The following CEP55 variants were observed in gnomAD, a reference collection of about 807,000 sequenced individuals.
CEP55 encodes the protein centrosomal protein of 55 kDa.
Under a neutral mutation model 63.2 loss-of-function variants are expected in CEP55, and 57 were observed. The observed-to-expected ratio is 0.90, with a 90% confidence interval of 0.73 to 1.13. The LOEUF (loss-of-function observed/expected upper bound fraction) is 1.13. CEP55 is among the 50% of genes most tolerant of loss of function. The probability of loss-of-function intolerance (pLI) is 0.00; values close to 1 mark genes in which losing one functional copy is unlikely to be tolerated. For synonymous variants in CEP55, 178 were observed against 191.6 expected (o/e 0.93, Z 0.59); for missense variants, 456 against 518.9 (o/e 0.88, Z 1.18).
intron 8 of CEP55, among the ~76,000 whole-genome samples, chr10:93,522,058 A>G (rs887276573): frequency 6.6e-6 from 1 of 152,258 alleles, no homozygotes; most frequent in African/African-American, 2.4e-5. Flanking sequence ...AAAGGAACGC[A>G]GCTCCTCACC....
chr10:93,510,697 T>C (rs1180529904), intron 4 of CEP55: 9 of 152,214 alleles, frequency 5.9e-5, no homozygotes, highest in African/African-American at 2.2e-4. Flanking sequence ...GTGTATTTCT[T>C]AAGAACGAGG....
intron 4 of CEP55, among the ~76,000 whole-genome samples, chr10:93,508,369 C>A (rs1273354268): frequency 6.6e-6 from 1 of 152,110 alleles, no homozygotes; most frequent in Admixed American, 6.5e-5. Context: ...TTCTGTTTTA[C>A]TTCATCTATC....
rs1278780092 is a variant in CEP55, at chr10:93,527,969, C to T, written c.1211C>T (p.Ala404Val). ...TTTCAGAAACAGCTTCATGAGTTTG[C>T]CATCACAGAGCCATTAGTCACTTTC... ...LESLKQLHEF[A>V]ITEPLVTFQG... is the part of the protein sequence containing the mutation. Residue 404 changes from alanine (A) to valine (V), a missense_variant, in exon 9 of 9, where the codon GCC (alanine) becomes GTC (valine). Coordinates refer to ENST00000371485, the MANE Select transcript of CEP55 (RefSeq NM_018131.5). 1 of 1,613,458 alleles carries T rather than the reference C, an allele frequency of 6.2e-7. No individual in the cohort carries two copies. The highest frequency in any genetic ancestry group is 1.3e-5 in the African/African-American group (1 of 74,838).
At chr10:93,499,375 C>T (rs914827586) in intron 1 of CEP55, among the ~76,000 whole-genome samples, 1 of 152,088 alleles carries the variant, frequency 6.6e-6, no homozygotes, top group Non-Finnish European at 1.5e-5. Flanking sequence ...AAGATATGTC[C>T]TTGATTGTGA....
Position 93,528,362 on chromosome 10 carries a change from C to A in CEP55, c.*209C>A. On this transcript the variant is annotated 3_prime_UTR_variant, in exon 9 of 9. Transcript: ENST00000371485. ...CCTGACATGGTTCATCATCAGGCTGCAATGACAGAATGTGGTGAGCAGCGT... is the reference window on the plus strand; with the variant it reads ...CCTGACATGGTTCATCATCAGGCTGAAATGACAGAATGTGGTGAGCAGCGT... 1 of 576,786 alleles carries A rather than the reference C, an allele frequency of 1.7e-6. No homozygotes were observed. 35.7% of individuals were successfully genotyped at this position (576,786 alleles called of 1,614,324 possible). A position where few individuals can be genotyped will look rare whatever the true frequency, so the allele number is the denominator to read the frequency against.
At position 93,519,672 on chromosome 10, in the gene CEP55, C is replaced by A. The variant is rs1162713952; in HGVS notation, c.1066-10C>A. On this transcript the variant is annotated splice_polypyrimidine_tract_variant and intron_variant, in intron 7 of 8. Coordinates refer to ENST00000371485, the MANE Select transcript of CEP55 (RefSeq NM_018131.5). ...TCAGCTGTAATGGTCTTGTTCTGGG[C>A]CTTTTCCAGATGCAGGCATGTACTT... The A allele has an allele frequency of 1.2e-6, 2 of 1,613,802 alleles. No individual in the cohort carries two copies. The highest frequency in any genetic ancestry group is 3.3e-5 in the Admixed American group (2 of 59,986).
chr10:93,512,336 G>A (rs2057761129), intron 4 of CEP55, among the ~76,000 whole-genome samples: 1 of 151,112 alleles, frequency 6.6e-6, no homozygotes. Context: ...CCAACATGGT[G>A]AAACCCCATC....
At chr10:93,502,994 G>A in intron 2 of CEP55, 119 bp from the exon 3 acceptor site, 1 of 954,060 alleles carries the variant, frequency 1.0e-6, no homozygotes, top group East Asian at 2.5e-5. Flanking sequence ...TTTGGCCTTG[G>A]TATTTAGCGT....
intron 8 of CEP55, among the ~76,000 whole-genome samples, chr10:93,523,134 A>G (rs1417779681): frequency 6.6e-6 from 1 of 152,210 alleles, no homozygotes; most frequent in Non-Finnish European, 1.5e-5. Flanking sequence ...ATTAAAAGAC[A>G]CAGACTGGCA....
chr10:93,519,275 A>C (rs571225162), intron 7 of CEP55, among the ~76,000 whole-genome samples: 42 of 152,296 alleles, frequency 2.8e-4, no homozygotes, highest in Non-Finnish European at 4.3e-4. Flanking sequence ...GGGCTACCTT[A>C]TAACTTCAAG....
intron 8 of CEP55, among the ~76,000 whole-genome samples, chr10:93,525,130 A>T (rs1405078879): frequency 1.3e-5 from 2 of 151,870 alleles, no homozygotes; most frequent in Non-Finnish European, 2.9e-5. Flanking sequence ...TATTCAATTA[A>T]GAAAAGAGGA....
intron 8 of CEP55, among the ~76,000 whole-genome samples, chr10:93,527,012 A>G (rs1198424818): frequency 3.3e-5 from 5 of 152,160 alleles, no homozygotes; most frequent in African/African-American, 9.7e-5. Flanking sequence ...CAGCACACCA[A>G]CATGGCACAT....
chr10:93,506,504 C>T (rs1345281380), intron 3 of CEP55, among the ~76,000 whole-genome samples: 1 of 152,138 alleles, frequency 6.6e-6, no homozygotes, highest in Admixed American at 6.6e-5. Flanking sequence ...TTAATTTTCA[C>T]AATGGTTATC....
chr10:93,506,908 A>G (rs1222068854), intron 3 of CEP55, 80 bp from the exon 4 acceptor site: 1 of 910,118 alleles, frequency 1.1e-6, no homozygotes, highest in East Asian at 2.4e-5. Context: ...CGTGAGTTAT[A>G]CTGTATTATT....
intron 4 of CEP55, among the ~76,000 whole-genome samples, chr10:93,513,401 C>T (rs7070006): frequency 0.95 from 144,813 of 152,274 alleles, 69,270 homozygotes; most frequent in East Asian, 1. Flanking sequence ...AGTTTCCATA[C>T]ATGTAGATCT....
intron 3 of CEP55, 93 bp downstream of exon 3, chr10:93,503,481 C>A: frequency 1.6e-6 from 2 of 1,226,430 alleles, no homozygotes; most frequent in East Asian, 2.3e-5. Context: ...ACATGCTTCC[C>A]AAATGATGAG....
chr10:93,503,320 C>G lies in CEP55; in HGVS notation c.391C>G (p.Gln131Glu). Reference sequence around the variant, plus strand: ...TGAAGAGAAAGACGTATTGAAACAACAGTTGTCTGCTGCAACCTCACGAAT... The same window carrying G: ...TGAAGAGAAAGACGTATTGAAACAAGAGTTGTCTGCTGCAACCTCACGAAT... ...LSEEKDVLKQQLSAATSRIAE... is the reference protein window; with the variant it reads ...LSEEKDVLKQELSAATSRIAE... Residue 131 changes from glutamine to glutamate, a missense_variant, in exon 3 of 9, where the codon CAG (glutamine) becomes GAG (glutamate). Coordinates refer to ENST00000371485, the MANE Select transcript of CEP55 (RefSeq NM_018131.5). 6.2e-7 allele frequency: 1 copy of G among 1,614,198 alleles called. No homozygotes were observed.
intron 3 of CEP55, among the ~76,000 whole-genome samples, chr10:93,504,709 T>C (rs895431061): frequency 6.6e-6 from 1 of 152,220 alleles, no homozygotes; most frequent in Non-Finnish European, 1.5e-5. Flanking sequence ...TACAGTCAGA[T>C]TCAAAGTAGC....
chr10:93,510,629 G>A (rs1012784890), intron 4 of CEP55: 1 of 151,864 alleles, frequency 6.6e-6, no homozygotes, highest in Non-Finnish European at 1.5e-5. Context: ...ACGCTGCTTA[G>A]CTTCCAAGAT....
Sources: gnomAD v4.1 joint callset for allele counts (sites outside exome capture counted in the v4.1 genomes callset) on GRCh38, gnomAD v4.1.1 for gene constraint, MANE v1.5 for transcripts, NCBI Gene and HGNC (gene_info 2026-07-23, HGNC 2026-07-21) for gene names.